Variants in PAK5 observed in about 807,000 individuals in gnomAD.
PAK5 encodes serine/threonine-protein kinase PAK 5.
PAK5 carries 16 observed loss-of-function variants against 65.9 expected under a neutral mutation model. The ratio of observed to expected loss-of-function variants is 0.24; its 90% CI spans 0.16 to 0.37. The LOEUF is 0.37. Among genes scored for constraint, PAK5 ranks in the 10% least tolerant of loss-of-function variants. PAK5 has a pLI of 1.00. For synonymous variants in PAK5, 371 were observed against 354.9 expected (o/e 1.05, Z -0.51); for missense variants, 785 against 903.9 (o/e 0.87, Z 1.69).
chr20:9,621,847 G>C (rs1371334065), intron 3 of PAK5, among the ~76,000 whole-genome samples: 1 of 152,170 alleles, frequency 6.6e-6, no homozygotes, highest in Non-Finnish European at 1.5e-5. Flanking sequence ...GGTAATAAAA[G>C]TCAGAATTGC....
At chr20:9,718,745 G>T (rs918405243) in intron 1 of PAK5, among the ~76,000 whole-genome samples, 5 of 152,060 alleles carry the variant, frequency 3.3e-5, no homozygotes, top group Admixed American at 3.3e-4. Flanking sequence ...AATTAATATG[G>T]ATCATCTTTC....
chr20:9,728,752 T>G (rs1292162734), intron 1 of PAK5, among the ~76,000 whole-genome samples: 1 of 112,556 alleles, frequency 8.9e-6, no homozygotes, highest in Non-Finnish European at 1.8e-5. Flanking sequence ...GGCCAAATCC[T>G]TCCTAGATCT....
chr20:9,629,826 G>A lies in PAK5; in HGVS notation c.204+14299C>T, dbSNP rs150283834. ...GGGTTTTGTAACCAGGTGGGTGAAG[G>A]CTGGGGGAATTTTGAGGAACATGGT... On this transcript the variant is annotated intron_variant, in intron 3 of 9. Transcript: ENST00000353224. 2.0e-5 allele frequency among the ~76,000 whole-genome samples: 3 copies of A among 152,282 alleles called. No homozygotes were observed. The East Asian group carries it at 5.8e-4, about 29-fold the overall frequency.
At chr20:9,729,708 A>G (rs945711293) in intron 1 of PAK5, among the ~76,000 whole-genome samples, 65 of 152,336 alleles carry the variant, frequency 4.3e-4, no homozygotes, top group East Asian at 7.7e-4. Context: ...AGTGAGAAAG[A>G]ACTCATATAT....
chr20:9,739,957 GC>G (rs1313496696), intron 1 of PAK5, among the ~76,000 whole-genome samples: 1 of 152,118 alleles, frequency 6.6e-6, no homozygotes, highest in Non-Finnish European at 1.5e-5. Context: ...CTTCTGTCTA[GC>G]TTTTCATGCT....
chr20:9,815,438 T>C (rs984581267), intron 1 of PAK5, among the ~76,000 whole-genome samples: 5 of 152,142 alleles, frequency 3.3e-5, no homozygotes, highest in Non-Finnish European at 7.4e-5. Flanking sequence ...TACTGGGCCA[T>C]CCCTCCCTTC....
intron 3 of PAK5, among the ~76,000 whole-genome samples, chr20:9,631,340 CATGGTTAACTTACATTAT>C (rs1019858084): frequency 3.0e-4 from 46 of 152,286 alleles, no homozygotes; most frequent in African/African-American, 1.1e-3. Context: ...ATGTCACTCT[CATGGTTAACTTACATTAT>C]ATGGCAACAC....
chr20:9,743,922 CA>C (rs1324739614), intron 1 of PAK5, among the ~76,000 whole-genome samples: 1 of 152,040 alleles, frequency 6.6e-6, no homozygotes, highest in African/African-American at 2.4e-5. Context: ...CTGGATTATC[CA>C]GGTGTACCCT....
At chr20:9,816,165 T>A (rs997631284) in intron 1 of PAK5, among the ~76,000 whole-genome samples, 1 of 152,158 alleles carries the variant, frequency 6.6e-6, no homozygotes, top group Non-Finnish European at 1.5e-5. Flanking sequence ...TTTTGTCCTC[T>A]GAAATATGTG....
intron 2 of PAK5, among the ~76,000 whole-genome samples, chr20:9,673,122 G>A (rs2047523294): frequency 6.6e-6 from 1 of 152,142 alleles, no homozygotes; most frequent in Admixed American, 6.5e-5. Context: ...TGTTTTTAGT[G>A]TGTTTGACAT....
chr20:9,811,171 C>T (rs1569097694), intron 1 of PAK5, among the ~76,000 whole-genome samples: 1 of 152,106 alleles, frequency 6.6e-6, no homozygotes, highest in African/African-American at 2.4e-5. Context: ...AAAGTACTGG[C>T]CAATGATCCC....
intron 3 of PAK5, among the ~76,000 whole-genome samples, chr20:9,626,365 G>A (rs866969485): frequency 4.6e-5 from 7 of 152,256 alleles, no homozygotes; most frequent in Non-Finnish European, 1.0e-4. Flanking sequence ...TAACTGCAGC[G>A]AACTTACAAT....
At chr20:9,731,670 C>A (rs909354134) in intron 1 of PAK5, among the ~76,000 whole-genome samples, 23 of 152,268 alleles carry the variant, frequency 1.5e-4, no homozygotes. Flanking sequence ...CTGACACCAA[C>A]TAGTTGGGGT....
At chr20:9,641,425 C>A (rs1171800516) in intron 3 of PAK5, among the ~76,000 whole-genome samples, 1 of 115,858 alleles carries the variant, frequency 8.6e-6, no homozygotes, top group African/African-American at 2.9e-5. Flanking sequence ...GTTTACAAAC[C>A]TTGAGCTAGA....
chr20:9,566,514 G>T (rs1391599649), intron 4 of PAK5, 130 bp from the exon 5 acceptor site: 11 of 879,660 alleles, frequency 1.3e-5, no homozygotes, highest in Non-Finnish European at 2.0e-5. Context: ...TCTGGCTGGG[G>T]CACCAACAGG....
chr20:9,642,669 A>G (rs779079219), intron 3 of PAK5, among the ~76,000 whole-genome samples: 25 of 152,322 alleles, frequency 1.6e-4, no homozygotes, highest in South Asian at 1.0e-3. Context: ...TTAGGGAGAA[A>G]ATTATGTTCA....
chr20:9,743,425 C>CA lies in PAK5; in HGVS notation c.-161-31991dup, dbSNP rs1259668308. On this transcript the variant is annotated intron_variant, in intron 1 of 9. Coordinates refer to ENST00000353224, the MANE Select transcript of PAK5 (RefSeq NM_177990.4). ...ACAAACGAAACAAAACAAAACAAAA[C>CA]AAACAAACAAACAAAAACAACCCTG... is the stretch of plus-strand genomic sequence containing the variant. 1.9e-3 allele frequency among the ~76,000 whole-genome samples: 173 copies of CA among 89,760 alleles called. 1 individual carries two copies. Among genetic ancestry groups the CA allele is most frequent in the African/African-American group, 5.5e-3 (151 of 27,348 alleles). 58.9% of individuals were successfully genotyped at this position (89,760 alleles called of 152,430 possible). A position where few individuals can be genotyped will look rare whatever the true frequency, so the allele number is the denominator to read the frequency against.
intron 7 of PAK5, among the ~76,000 whole-genome samples, chr20:9,547,840 T>C (rs924099239): frequency 6.6e-6 from 1 of 152,156 alleles, no homozygotes; most frequent in African/African-American, 2.4e-5. Flanking sequence ...AAAGTCAGTT[T>C]CCACTTTAAC....
intron 3 of PAK5, among the ~76,000 whole-genome samples, chr20:9,628,308 A>G (rs1016671475): frequency 2.0e-5 from 3 of 152,232 alleles, no homozygotes; most frequent in Non-Finnish European, 4.4e-5. Context: ...ATGAAGAATC[A>G]AGATTTTTTT....
Sources: gnomAD v4.1 joint callset for allele counts (sites outside exome capture counted in the v4.1 genomes callset) on GRCh38, gnomAD v4.1.1 for gene constraint, MANE v1.5 for transcripts, NCBI Gene and HGNC (gene_info 2026-07-23, HGNC 2026-07-21) for gene names.